EIF4EBP1: variants seen among roughly 807,000 people sequenced by gnomAD.
EIF4EBP1 encodes eukaryotic translation initiation factor 4E-binding protein 1.
A neutral mutation model predicts 9.2 loss-of-function variants in EIF4EBP1; 5 were observed. The observed-to-expected ratio is 0.54, with a 90% confidence interval of 0.28 to 1.14. EIF4EBP1 has a LOEUF of 1.14. Among genes scored for constraint, EIF4EBP1 ranks in the 50% most tolerant of loss-of-function variants. The probability of loss-of-function intolerance (pLI) is 0.09; values close to 1 mark genes in which losing one functional copy is unlikely to be tolerated. For synonymous variants in EIF4EBP1, 62 were observed against 67.0 expected (o/e 0.93, Z 0.36); for missense variants, 139 against 169.6 (o/e 0.82, Z 1.00).
chr8:38,031,532 C>G (rs1305149347), intron 1 of EIF4EBP1, among the ~76,000 whole-genome samples: 1 of 152,194 alleles, frequency 6.6e-6, no homozygotes, highest in Non-Finnish European at 1.5e-5. Flanking sequence ...TGAAATAAAT[C>G]CTCGTGGCTC....
chr8:38,044,789 C>T (rs926360262), intron 1 of EIF4EBP1, among the ~76,000 whole-genome samples: 4 of 152,234 alleles, frequency 2.6e-5, no homozygotes, highest in African/African-American at 9.6e-5. Flanking sequence ...GTTAGGTTGG[C>T]CTCTGGACGG....
At chr8:38,043,920 A>G (rs1450102337) in intron 1 of EIF4EBP1, among the ~76,000 whole-genome samples, 3 of 152,032 alleles carry the variant, frequency 2.0e-5, no homozygotes, top group African/African-American at 7.2e-5. Context: ...CAGAAAAGCC[A>G]CCCAGACACA....
chr8:38,060,336 A>T lies in EIF4EBP1; in HGVS notation c.*401A>T. 1 of 280,456 alleles carries T rather than the reference A, an allele frequency of 3.6e-6. No individual in the cohort carries two copies. The highest frequency in any genetic ancestry group is 6.8e-6 in the Non-Finnish European group (1 of 146,838). 17.4% of individuals were successfully genotyped at this position (280,456 alleles called of 1,614,324 possible). A position where few individuals can be genotyped will look rare whatever the true frequency, so the allele number is the denominator to read the frequency against. ...TCCCCCTCCTTCCCCAAGAGAGGAAATAAAAGCCACCTTCGCCCTAGGGCC... is the reference window on the plus strand; with the variant it reads ...TCCCCCTCCTTCCCCAAGAGAGGAATTAAAAGCCACCTTCGCCCTAGGGCC... On this transcript the variant is annotated 3_prime_UTR_variant, in exon 3 of 3. Transcript: ENST00000338825.
chr8:38,034,175 T>C, intron 1 of EIF4EBP1, among the ~76,000 whole-genome samples: 1 of 151,908 alleles, frequency 6.6e-6, no homozygotes, highest in Non-Finnish European at 1.5e-5. Flanking sequence ...GCCTTGCAAG[T>C]AGCTGGGACT....
intron 1 of EIF4EBP1, among the ~76,000 whole-genome samples, chr8:38,041,065 G>T (rs919797827): frequency 2.6e-5 from 4 of 152,096 alleles, no homozygotes; most frequent in African/African-American, 9.7e-5. Flanking sequence ...CTCCCAAAGT[G>T]CTGGGATTAC....
Position 38,060,169 on chromosome 8 carries a change from C to A in EIF4EBP1, c.*234C>A, listed in dbSNP as rs899557409. 3.4e-6 allele frequency: 2 copies of A among 594,022 alleles called. No individual in the cohort carries two copies. The highest frequency in any genetic ancestry group is 6.0e-6 in the Non-Finnish European group (2 of 332,126). 36.8% of individuals were successfully genotyped at this position (594,022 alleles called of 1,614,324 possible). A position where few individuals can be genotyped will look rare whatever the true frequency, so the allele number is the denominator to read the frequency against. On this transcript the variant is annotated 3_prime_UTR_variant, in exon 3 of 3. Coordinates refer to ENST00000338825, the MANE Select transcript of EIF4EBP1 (RefSeq NM_004095.4). The stretch of plus-strand genomic sequence containing the variant: ...GGAGCTGCCACCCCAAGGGGAGTGA[C>A]CCCTGCCAGCACACCCTGCAGCCAA...
chr8:38,041,827 C>CA (rs1423170354), intron 1 of EIF4EBP1, among the ~76,000 whole-genome samples: 1 of 151,926 alleles, frequency 6.6e-6, no homozygotes, highest in African/African-American at 2.4e-5. Context: ...CCTGTCTTTA[C>CA]AAAAAAATTT....
chr8:38,030,874 G>A (rs947126535), intron 1 of EIF4EBP1, among the ~76,000 whole-genome samples, 156 bp downstream of exon 1: 3 of 152,218 alleles, frequency 2.0e-5, no homozygotes, highest in African/African-American at 7.2e-5. Context: ...GGAAGTGGCC[G>A]CCCGCTTCCC....
At chr8:38,035,778 C>T (rs1338834075) in intron 1 of EIF4EBP1, among the ~76,000 whole-genome samples, 3 of 151,584 alleles carry the variant, frequency 2.0e-5, no homozygotes, top group Admixed American at 6.6e-5. Flanking sequence ...GGTGCGATCT[C>T]GGCTCACTGC....
rs544707566 is a variant in EIF4EBP1 at position 38,050,032 on chromosome 8, C to T, written c.146-7049C>T. On this transcript the variant is annotated intron_variant, in intron 1 of 2. Coordinates refer to ENST00000338825, the MANE Select transcript of EIF4EBP1 (RefSeq NM_004095.4). ...GTTCAAGCGGTTCTCGTGCCTCAGC[C>T]TCCTGAATAGCTGGACTACAGGTGT... Among the ~76,000 whole-genome samples, 263 of 152,124 alleles carry T rather than the reference C, an allele frequency of 1.7e-3. 3 individuals are homozygous for T. Among genetic ancestry groups the T allele is most frequent in the African/African-American group, 5.9e-3 (246 of 41,478 alleles).
chr8:38,044,998 T>A (rs1241977461), intron 1 of EIF4EBP1, among the ~76,000 whole-genome samples: 3 of 152,232 alleles, frequency 2.0e-5, no homozygotes, highest in African/African-American at 7.2e-5. Flanking sequence ...CCAATGCTCC[T>A]TGGCCTCCAA....
At chr8:38,040,769 T>C (rs1809367215) in intron 1 of EIF4EBP1, among the ~76,000 whole-genome samples, 1 of 152,210 alleles carries the variant, frequency 6.6e-6, no homozygotes, top group East Asian at 1.9e-4. Flanking sequence ...ACTTAAGGCC[T>C]AGGCTCAGAA....
At chr8:38,036,994 A>C (rs1432261167) in intron 1 of EIF4EBP1, among the ~76,000 whole-genome samples, 3 of 152,098 alleles carry the variant, frequency 2.0e-5, no homozygotes, top group African/African-American at 7.2e-5. Flanking sequence ...TTGCTTTCTA[A>C]GGTGAGTTTT....
At chr8:38,051,600 T>C (rs35617335) in intron 1 of EIF4EBP1, among the ~76,000 whole-genome samples, 2,559 of 151,582 alleles carry the variant, frequency 0.017, 39 homozygotes, top group Admixed American at 0.028. Flanking sequence ...TTTATTTATA[T>C]TTTTTTTTAT....
intron 2 of EIF4EBP1, among the ~76,000 whole-genome samples, chr8:38,059,028 G>A (rs942859808): frequency 1.3e-5 from 2 of 152,192 alleles, no homozygotes; most frequent in Admixed American, 6.5e-5. Flanking sequence ...AGGCTGCAGT[G>A]AGCTATGATT....
chr8:38,036,027 G>A (rs562535702), intron 1 of EIF4EBP1, among the ~76,000 whole-genome samples: 24 of 146,026 alleles, frequency 1.6e-4, no homozygotes, highest in African/African-American at 5.3e-4. Flanking sequence ...TATTTTTGAG[G>A]CAGAGTCTCA....
At chr8:38,049,109 G>A (rs1316202508) in intron 1 of EIF4EBP1, among the ~76,000 whole-genome samples, 2 of 146,888 alleles carry the variant, frequency 1.4e-5, no homozygotes, top group East Asian at 2.0e-4. Context: ...TGGGCAACAA[G>A]AGCGAAACTC....
At chr8:38,030,778 T>A in intron 1 of EIF4EBP1, 60 bp downstream of exon 1, 4 of 1,372,806 alleles carry the variant, frequency 2.9e-6, no homozygotes, top group Middle Eastern at 2.2e-4. Flanking sequence ...GGATCGGGAA[T>A]CGCGGATTGG....
rs530276448 is a variant in EIF4EBP1 at position 38,050,452 on chromosome 8, T to G, written c.146-6629T>G. Among the ~76,000 whole-genome samples the G allele has an allele frequency of 1.3e-4, 20 of 152,090 alleles. No individual in the cohort carries two copies. The East Asian group carries it at 3.7e-3, about 28-fold the overall frequency. ...CAGCCTTGGACCTCCTGGGCTCTGG[T>G]GATCCTCCCACCTCTGCCTCCTGGG... On this transcript the variant is annotated intron_variant, in intron 1 of 2. Coordinates refer to ENST00000338825, the MANE Select transcript of EIF4EBP1 (RefSeq NM_004095.4).
Sources: allele counts gnomAD v4.1 joint callset (sites outside exome capture counted in the v4.1 genomes callset), GRCh38; gene constraint gnomAD v4.1.1; transcripts MANE v1.5; gene names NCBI Gene and HGNC (gene_info 2026-07-23, HGNC 2026-07-21).